The following TACC3 variants were observed in gnomAD, a reference collection of about 807,000 sequenced individuals.
TACC3 encodes the protein transforming acidic coiled-coil-containing protein 3.
TACC3 carries 52 observed loss-of-function variants against 86.0 expected under a neutral mutation model. That is an observed-to-expected ratio of 0.60 (90% CI 0.48 to 0.76). The LOEUF (loss-of-function observed/expected upper bound fraction) is 0.76. Among genes scored for constraint, TACC3 ranks in the 30% least tolerant of loss-of-function variants. The probability of loss-of-function intolerance (pLI) is 0.00; values close to 1 mark genes in which losing one functional copy is unlikely to be tolerated. For missense variants in TACC3, 1,120 were observed against 1,070.4 expected, an observed-to-expected ratio of 1.05 and a Z score of -0.65; for synonymous variants, 512 against 430.0, an observed-to-expected ratio of 1.19 and a Z score of -2.36.
At chr4:1,722,389 C>T (rs1717447389) in intron 1 of TACC3, among the ~76,000 whole-genome samples, 2 of 152,212 alleles carry the variant, frequency 1.3e-5, no homozygotes, top group South Asian at 2.1e-4. Context: ...ACCTAAGCGT[C>T]GTCCGTAAGT....
At chr4:1,743,795 T>C (rs553610050) in intron 13 of TACC3, among the ~76,000 whole-genome samples, 2 of 152,252 alleles carry the variant, frequency 1.3e-5, no homozygotes, top group East Asian at 3.9e-4. Flanking sequence ...TTGGGAATTT[T>C]CCACAGCAGA....
Position 1,735,867 on chromosome 4 carries a change from C to A in TACC3, c.1748+33C>A. On this transcript the variant is annotated intron_variant, in intron 8 of 15. Coordinates refer to ENST00000313288, the MANE Select transcript of TACC3 (RefSeq NM_006342.3). The surrounding 1 kb of genome is among the most constrained non-coding windows in gnomAD (Gnocchi z 4.2). ...CGCCGGCCCTCCCTCATGCATGAAGCCTTGAGTGTGGGAAGACTGGAGGCT... is the reference window on the plus strand; with the variant it reads ...CGCCGGCCCTCCCTCATGCATGAAGACTTGAGTGTGGGAAGACTGGAGGCT... The A allele has an allele frequency of 6.9e-7, 1 of 1,441,534 alleles. No homozygotes were observed. The highest frequency in any genetic ancestry group is 1.2e-5 in the South Asian group (1 of 82,184). 89.3% of individuals were successfully genotyped at this position (1,441,534 alleles called of 1,614,324 possible).
intron 4 of TACC3, among the ~76,000 whole-genome samples, chr4:1,729,485 C>T (rs1717894691): frequency 6.6e-6 from 1 of 152,180 alleles, no homozygotes. Context: ...TGTGAGCCAT[C>T]TCCAATGATA....
chr4:1,735,854 C>T lies in TACC3; in HGVS notation c.1748+20C>T, dbSNP rs755914030. 10 of 1,545,898 alleles carry T rather than the reference C, an allele frequency of 6.5e-6. No homozygotes were observed. The East Asian group carries it at 1.8e-4, about 28-fold the overall frequency. The stretch of plus-strand genomic sequence containing the variant: ...CAGCAGGTATGTGCGCCGGCCCTCC[C>T]TCATGCATGAAGCCTTGAGTGTGGG... On this transcript the variant is annotated intron_variant, in intron 8 of 15. Transcript: ENST00000313288. This position sits in a 1 kb window ranked among gnomAD's most constrained non-coding sequence, Gnocchi z 4.2.
chr4:1,721,081 A>G (rs6846887), upstream of TACC3: 1 of 281,572 alleles, frequency 3.6e-6, no homozygotes, highest in Non-Finnish European at 6.5e-6. Context: ...CCCGCGGGGC[A>G]CTCTAGGGCA....
intron 13 of TACC3, 66 bp downstream of exon 13, chr4:1,741,052 G>A (rs1530588): frequency 0.36 from 527,339 of 1,481,642 alleles, 99,541 homozygotes; most frequent in East Asian, 0.7. Context: ...AAGCCAGCGG[G>A]GCTACAAGCT....
intron 4 of TACC3, 94 bp from the exon 5 acceptor site, chr4:1,730,793 T>C (rs769827328): frequency 4.4e-6 from 6 of 1,367,896 alleles, no homozygotes; most frequent in South Asian, 1.2e-5. Flanking sequence ...GGCACAGCAG[T>C]GCAGGGAAAG....
intron 2 of TACC3, 36 bp downstream of exon 2, chr4:1,723,619 T>C: frequency 1.2e-6 from 2 of 1,609,072 alleles, no homozygotes; most frequent in Non-Finnish European, 8.5e-7. Flanking sequence ...GCTGGCCAGG[T>C]TGCCCTAGGG....
At chr4:1,744,905 C>G (rs1408685094) in intron 15 of TACC3, 43 bp from the exon 16 acceptor site, 1 of 1,611,632 alleles carries the variant, frequency 6.2e-7, no homozygotes, top group Admixed American at 1.7e-5. Context: ...CTGCTGCTCC[C>G]TCCAAGCAGG....
In TACC3 at chr4:1,728,687, G is replaced by T. The variant is rs1192183124; in HGVS notation, c.1285G>T (p.Ala429Ser). 3.1e-6 allele frequency: 5 copies of T among 1,613,552 alleles called. No individual in the cohort carries two copies. Among genetic ancestry groups the T allele is most frequent in the Non-Finnish European group, 4.2e-6 (5 of 1,180,028 alleles). The change falls in exon 4 of 16, where the codon GCC becomes TCC. Residue 429 changes from alanine (A) to serine (S), a missense_variant. Transcript: ENST00000313288. The part of the protein sequence containing the change: ...GGDTKSGCSE[A>S]QPPESPETRL... ...TGACACCAAGTCTGGTTGCAGTGAG[G>T]CCCAGCCCCCAGAAAGCCCTGAGAC...
At chr4:1,724,895 G>C (rs1458951970) in intron 3 of TACC3, among the ~76,000 whole-genome samples, 1 of 150,678 alleles carries the variant, frequency 6.6e-6, no homozygotes, top group Non-Finnish European at 1.5e-5. Flanking sequence ...TTAGTAGCTG[G>C]GACTACAACT....
intron 2 of TACC3, 32 bp downstream of exon 2, chr4:1,723,615 C>T (rs771949534): frequency 2.5e-6 from 4 of 1,608,956 alleles, no homozygotes; most frequent in Middle Eastern, 1.7e-4. Flanking sequence ...TGTGGCTGGC[C>T]AGGTTGCCCT....
intron 8 of TACC3, among the ~76,000 whole-genome samples, chr4:1,736,350 G>C (rs1003227273): frequency 1.3e-5 from 2 of 150,606 alleles, no homozygotes; most frequent in Admixed American, 6.6e-5. Flanking sequence ...TTGAACCCAG[G>C]AGGCGGAGGT....
chr4:1,740,065 C>A, intron 12 of TACC3, 63 bp downstream of exon 12: 4 of 1,560,650 alleles, frequency 2.6e-6, no homozygotes, highest in Non-Finnish European at 3.5e-6. Context: ...CCCACCCTGG[C>A]CCTGCCCTGC....
intron 10 of TACC3, chr4:1,738,243 T>C (rs1193273769): frequency 7.6e-6 from 2 of 264,544 alleles, no homozygotes; most frequent in Non-Finnish European, 1.5e-5. Flanking sequence ...CACTGTGAGC[T>C]ACCGTCGCCA....
intron 1 of TACC3, among the ~76,000 whole-genome samples, chr4:1,722,248 G>A (rs117594966): frequency 6.6e-6 from 1 of 152,310 alleles, no homozygotes; most frequent in East Asian, 1.9e-4. Context: ...TGGGTCTGCT[G>A]CTCTCCCGAG....
intron 3 of TACC3, among the ~76,000 whole-genome samples, chr4:1,725,104 G>A (rs759560633): frequency 6.6e-6 from 1 of 151,790 alleles, no homozygotes; most frequent in Non-Finnish European, 1.5e-5. Flanking sequence ...CTAATTTTGT[G>A]TATTTTTAGT....
chr4:1,732,722 G>A (rs1718064942), intron 6 of TACC3, among the ~76,000 whole-genome samples: 1 of 152,228 alleles, frequency 6.6e-6, no homozygotes. Flanking sequence ...ACACAGCACG[G>A]CCTTCTGTGT....
intron 6 of TACC3, among the ~76,000 whole-genome samples, chr4:1,732,770 G>C (rs1718067739): frequency 6.6e-6 from 1 of 152,212 alleles, no homozygotes; most frequent in Non-Finnish European, 1.5e-5. Context: ...TCCGAGTCCT[G>C]GCCATGCTGG....
Sources: allele counts gnomAD v4.1 joint callset (sites outside exome capture counted in the v4.1 genomes callset), GRCh38; gene constraint gnomAD v4.1.1; non-coding constraint Gnocchi (gnomAD v3.1); transcripts MANE v1.5; gene names NCBI Gene and HGNC (gene_info 2026-07-23, HGNC 2026-07-21).